The following MTREX variants were observed in gnomAD, a reference collection of about 807,000 sequenced individuals.
MTREX encodes the protein exosome RNA helicase MTR4.
A neutral mutation model predicts 135.4 loss-of-function variants in MTREX; 76 were observed. That is an observed-to-expected ratio of 0.56 (90% CI 0.47 to 0.68). The LOEUF is 0.68. MTREX is among the 30% of genes least tolerant of loss of function. The pLI, the probability that MTREX is intolerant of heterozygous loss-of-function variation, is 0.00. For missense variants in MTREX, 920 were observed against 1,262.1 expected, an observed-to-expected ratio of 0.73 and a Z score of 4.11; for synonymous variants, 404 against 401.6, an observed-to-expected ratio of 1.01 and a Z score of -0.07.
In MTREX at chr5:55,410,733, A is replaced by G. The variant is rs564792386; in HGVS notation, c.2751+104A>G. The stretch of plus-strand genomic sequence containing the variant: ...ATATTACTAATATTTACATATTATA[A>G]GGTAATGTTAATTGGAAATCACAGC... On this transcript the variant is annotated intron_variant, in intron 23 of 26. Coordinates refer to ENST00000230640, the MANE Select transcript of MTREX (RefSeq NM_015360.5). 4.0e-4 allele frequency: 214 copies of G among 539,886 alleles called. 1 individual carries two copies. The highest frequency in any genetic ancestry group is 2.2e-3 in the Admixed American group (61 of 27,678). 33.4% of individuals were successfully genotyped at this position (539,886 alleles called of 1,614,324 possible).
At chr5:55,312,027 T>C (rs1372562762) in intron 1 of MTREX, among the ~76,000 whole-genome samples, 1 of 152,206 alleles carries the variant, frequency 6.6e-6, no homozygotes, top group Admixed American at 6.5e-5. Context: ...GTTCTAAGAT[T>C]GACAAGTTGG....
intron 15 of MTREX, among the ~76,000 whole-genome samples, chr5:55,359,449 C>CT (rs1209363623): frequency 6.6e-6 from 1 of 152,148 alleles, no homozygotes; most frequent in African/African-American, 2.4e-5. Context: ...GATTGTGTGT[C>CT]TAACTTTTTA....
intron 3 of MTREX, 77 bp from the exon 4 acceptor site, chr5:55,327,639 A>G: frequency 1.8e-6 from 2 of 1,109,112 alleles, no homozygotes; most frequent in East Asian, 2.4e-5. Flanking sequence ...CCAAACCATC[A>G]TTCATTATGG....
In MTREX at chr5:55,400,165, C is replaced by T. The variant is rs188234713; in HGVS notation, c.2293-68C>T. Reference sequence around the variant, plus strand: ...CCATGTGCATAGAAAAAAAGGGAAACACTGATTTGGTTTGGTCTTACTAAT... The same window carrying T: ...CCATGTGCATAGAAAAAAAGGGAAATACTGATTTGGTTTGGTCTTACTAAT... On this transcript the variant is annotated intron_variant, in intron 20 of 26. Transcript: ENST00000230640. 8.3e-5 allele frequency: 99 copies of T among 1,187,324 alleles called. No homozygotes were observed. In the African/African-American group the frequency reaches 1.4e-3, roughly 17 times the overall value. The allele number at this position is 1,187,324 out of a possible 1,614,324, so 73.5% of individuals were successfully genotyped here. A position where few individuals can be genotyped will look rare whatever the true frequency, so the allele number is the denominator to read the frequency against.
rs1182004759 is a variant in MTREX at position 55,328,803 on chromosome 5, A to G, written c.507A>G (p.Val169=). 5.0e-6 allele frequency: 8 copies of G among 1,595,354 alleles called. No homozygotes were observed. The highest frequency in any genetic ancestry group is 3.3e-4 in the Middle Eastern group (2 of 6,046). Residue 169 remains valine (V), a synonymous_variant, in exon 5 of 27, where the codon GTA becomes GTG. Coordinates refer to ENST00000230640, the MANE Select transcript of MTREX (RefSeq NM_015360.5). ...CACATACCTCAGCGGGAAAAACAGT[A>G]TGCGCCGAGTGAGTAGCTTCCTTTT... ...VSAHTSAGKT[V]CAEYAIALAL... is the part of the protein sequence containing the mutation.
At chr5:55,405,635 T>A in intron 22 of MTREX, 47 bp downstream of exon 22, 1 of 1,495,516 alleles carries the variant, frequency 6.7e-7, no homozygotes, top group Non-Finnish European at 9.1e-7. Context: ...TTTTTCATTT[T>A]TAATTTTAAT....
At chr5:55,423,578 G>A (rs1228570818) in intron 26 of MTREX, 2 of 152,658 alleles carry the variant, frequency 1.3e-5, no homozygotes, top group African/African-American at 2.4e-5. Context: ...GACTGGAGGT[G>A]TGGAGTTTGG....
Position 55,424,864 on chromosome 5 carries a change from C to T in MTREX, c.*92C>T, listed in dbSNP as rs560434773. 4 of 883,720 alleles carry T rather than the reference C, an allele frequency of 4.5e-6. No individual in the cohort carries two copies. The East Asian group carries it at 1.0e-4, about 22-fold the overall frequency. 54.7% of individuals were successfully genotyped at this position (883,720 alleles called of 1,614,324 possible). ...GCCTGCAAGTGTGGATTTGGTTCTC[C>T]CATACATTTTAATATGTATTATATT... On this transcript the variant is annotated 3_prime_UTR_variant, in exon 27 of 27. Transcript: ENST00000230640.
intron 5 of MTREX, among the ~76,000 whole-genome samples, chr5:55,337,047 G>C (rs941859558): frequency 6.6e-6 from 1 of 152,112 alleles, no homozygotes; most frequent in African/African-American, 2.4e-5. Context: ...GCATTTCTTT[G>C]TGGGAAGATT....
chr5:55,416,237 CT>C, intron 25 of MTREX, 105 bp downstream of exon 25: 2 of 701,192 alleles, frequency 2.9e-6, no homozygotes, highest in Non-Finnish European at 4.5e-6. Context: ...TATTTGGTAA[CT>C]AAATGAAATC....
chr5:55,423,553 T>A (rs1751089618), intron 26 of MTREX: 1 of 152,750 alleles, frequency 6.5e-6, no homozygotes, highest in Non-Finnish European at 1.5e-5. Context: ...GCCCCAGGCT[T>A]CTCAACTCTG....
In MTREX at chr5:55,422,995, T is replaced by C. The variant is rs1751078558; in HGVS notation, c.3076+13T>C. The C allele has an allele frequency of 1.9e-6, 3 of 1,596,768 alleles. No homozygotes were observed. Among genetic ancestry groups the C allele is most frequent in the South Asian group, 1.1e-5 (1 of 89,870 alleles). ...AAATTTGCAGAAGGTCAGTATCAAA[T>C]GGATAAGCTGTTTCTAATTTAGACA... On this transcript the variant is annotated intron_variant, in intron 26 of 26. Coordinates refer to ENST00000230640, the MANE Select transcript of MTREX (RefSeq NM_015360.5).
intron 21 of MTREX, among the ~76,000 whole-genome samples, chr5:55,402,822 A>ATATG (rs1554034696): frequency 1.4e-5 from 2 of 143,644 alleles, no homozygotes; most frequent in South Asian, 2.2e-4. Context: ...AGCACATTAT[A>ATATG]TGTGTGTGTG....
At chr5:55,413,446 TTTC>T (rs1750916915) in intron 23 of MTREX, among the ~76,000 whole-genome samples, 1 of 151,678 alleles carries the variant, frequency 6.6e-6, no homozygotes. Flanking sequence ...TTGTCAAAAA[TTTC>T]TTCACAAATA....
chr5:55,343,958 A>G (rs1442376443), intron 8 of MTREX, among the ~76,000 whole-genome samples: 1 of 151,970 alleles, frequency 6.6e-6, no homozygotes, highest in Non-Finnish European at 1.5e-5. Context: ...ATGTATACTG[A>G]ATTTATTCTT....
chr5:55,404,996 G>A (rs1244366436), intron 21 of MTREX, among the ~76,000 whole-genome samples: 1 of 151,710 alleles, frequency 6.6e-6, no homozygotes, highest in African/African-American at 2.4e-5. Context: ...TGTGTTTTTA[G>A]TACAGACGGA....
At chr5:55,328,534 T>C (rs941670516) in intron 4 of MTREX, among the ~76,000 whole-genome samples, 165 bp from the exon 5 acceptor site, 1 of 152,190 alleles carries the variant, frequency 6.6e-6, no homozygotes, top group African/African-American at 2.4e-5. Flanking sequence ...AAAAATGTAG[T>C]GTACTCTTCC....
intron 1 of MTREX, among the ~76,000 whole-genome samples, chr5:55,316,882 T>C (rs1038576531): frequency 1.3e-5 from 2 of 152,128 alleles, no homozygotes; most frequent in Admixed American, 1.3e-4. Flanking sequence ...GGAAACCCCA[T>C]AGTCTGGGCC....
intron 5 of MTREX, among the ~76,000 whole-genome samples, chr5:55,339,328 T>A (rs187397103): frequency 1.4e-4 from 21 of 152,342 alleles, no homozygotes; most frequent in African/African-American, 4.8e-4. Context: ...TCTGATTTTT[T>A]AAAAATTGCT....
Sources: allele counts gnomAD v4.1 joint callset (sites outside exome capture counted in the v4.1 genomes callset), GRCh38; gene constraint gnomAD v4.1.1; transcripts MANE v1.5; gene names NCBI Gene and HGNC (gene_info 2026-07-23, HGNC 2026-07-21).